PPP2R5C: variants seen among roughly 807,000 people sequenced by gnomAD.
The protein encoded by PPP2R5C is protein phosphatase 2 regulatory subunit B'gamma, also known as serine/threonine-protein phosphatase 2A 56 kDa regulatory subunit gamma isoform.
PPP2R5C carries 7 observed loss-of-function variants against 68.9 expected under a neutral mutation model. The ratio of observed to expected loss-of-function variants is 0.10; its 90% CI spans 0.06 to 0.19. PPP2R5C has a LOEUF of 0.19. Among genes scored for constraint, PPP2R5C ranks in the 10% least tolerant of loss-of-function variants. The pLI is 1.00. For synonymous variants in PPP2R5C, 210 were observed against 222.2 expected (o/e 0.95, Z 0.49); for missense variants, 348 against 641.3 (o/e 0.54, Z 4.94).
intron 1 of PPP2R5C, chr14:101,818,118 A>C (rs546220830): frequency 6.6e-6 from 1 of 152,304 alleles, no homozygotes; most frequent in East Asian, 1.9e-4. Context: ...TGCTCTGCTT[A>C]TAGATTGTGT....
At chr14:101,779,512 G>A (rs1174769660) in intron 2 of PPP2R5C, among the ~76,000 whole-genome samples, 2 of 152,170 alleles carry the variant, frequency 1.3e-5, no homozygotes, top group African/African-American at 4.8e-5. Flanking sequence ...GGCATTTCAT[G>A]CTGAAGAAAC....
upstream of PPP2R5C, among the ~76,000 whole-genome samples, chr14:101,805,581 G>A (rs1322174111): frequency 2.6e-5 from 4 of 152,154 alleles, no homozygotes; most frequent in Non-Finnish European, 5.9e-5. Context: ...TGAAAACAGA[G>A]GCATGAGCAG....
intron 3 of PPP2R5C, among the ~76,000 whole-genome samples, chr14:101,791,625 A>G (rs1373334858): frequency 6.6e-6 from 1 of 152,084 alleles, no homozygotes; most frequent in East Asian, 1.9e-4. Flanking sequence ...ATATGTGTCA[A>G]ACCCTTCTTT....
chr14:101,878,865 C>T (rs765710511), intron 2 of PPP2R5C, among the ~76,000 whole-genome samples: 1 of 152,260 alleles, frequency 6.6e-6, no homozygotes, highest in Non-Finnish European at 1.5e-5. Flanking sequence ...GACAGCTGGG[C>T]ACTGTGGCCT....
intron 11 of PPP2R5C, among the ~76,000 whole-genome samples, chr14:101,911,206 G>A (rs762370560): frequency 6.6e-6 from 1 of 152,134 alleles, no homozygotes; most frequent in Non-Finnish European, 1.5e-5. Context: ...ACCTGGAGGC[G>A]GAGCTTGCAG....
At chr14:101,878,721 G>C (rs192360366) in intron 2 of PPP2R5C, among the ~76,000 whole-genome samples, 1 of 152,204 alleles carries the variant, frequency 6.6e-6, no homozygotes, top group African/African-American at 2.4e-5. Context: ...CTGCAGTTTG[G>C]GTCTCACAGG....
At chr14:101,911,226 A>T (rs932802233) in intron 11 of PPP2R5C, among the ~76,000 whole-genome samples, 19 of 151,898 alleles carry the variant, frequency 1.3e-4, no homozygotes, top group Admixed American at 1.2e-3. Flanking sequence ...GTGAGCCAAG[A>T]TCACGCCACT....
At chr14:101,870,108 A>AT (rs1327500750) in intron 2 of PPP2R5C, among the ~76,000 whole-genome samples, 1 of 103,624 alleles carries the variant, frequency 9.7e-6, no homozygotes, top group African/African-American at 4.1e-5. Context: ...CTGGGTACAG[A>AT]TTTTTTGCGA....
Position 101,842,903 on chromosome 14 carries a change from G to C in PPP2R5C, c.95-13783G>C, listed in dbSNP as rs187388836. Among the ~76,000 whole-genome samples, 156 of 151,850 alleles carry C rather than the reference G, an allele frequency of 1.0e-3. 1 individual carries two copies. The highest frequency in any genetic ancestry group is 2.9e-3 in the South Asian group (14 of 4,808). Reference sequence around the variant, plus strand: ...AACCATACATACTTAAAACCAAGCAGAGAGTGGAGTTCCATCTTTAATAAC... The same window carrying C: ...AACCATACATACTTAAAACCAAGCACAGAGTGGAGTTCCATCTTTAATAAC... On this transcript the variant is annotated intron_variant, in intron 1 of 13. Transcript: ENST00000334743.
At chr14:101,867,859 T>C (rs1422362766) in intron 2 of PPP2R5C, among the ~76,000 whole-genome samples, 2 of 152,206 alleles carry the variant, frequency 1.3e-5, no homozygotes, top group Non-Finnish European at 2.9e-5. Context: ...TCAGGACTCT[T>C]GTTGGTTTCC....
In PPP2R5C at chr14:101,836,074, T is replaced by C. The variant is rs992388174; in HGVS notation, c.95-20612T>C. On this transcript the variant is annotated intron_variant, in intron 1 of 13. Coordinates refer to ENST00000334743, the Ensembl canonical transcript of PPP2R5C. The stretch of plus-strand genomic sequence containing the variant: ...AGATAAAATACAATGGGAAATTAAA[T>C]TTTTTTAATTACTTAAGGAAATTCC... The C allele has an allele frequency of 6.0e-5, 37 of 614,820 alleles. No individual in the cohort carries two copies. In the African/African-American group the frequency reaches 6.8e-4, roughly 11 times the overall value. 38.1% of individuals were successfully genotyped at this position (614,820 alleles called of 1,614,324 possible). A position where few individuals can be genotyped will look rare whatever the true frequency, so the allele number is the denominator to read the frequency against.
At chr14:101,766,426 T>G (rs1041464570) in intron 2 of PPP2R5C, 49 of 152,366 alleles carry the variant, frequency 3.2e-4, no homozygotes, top group African/African-American at 9.6e-4. Flanking sequence ...TTAGGCTATT[T>G]TTAAATGTAT....
intron 5 of PPP2R5C, among the ~76,000 whole-genome samples, chr14:101,885,322 C>A (rs1304246748): frequency 6.6e-6 from 1 of 151,960 alleles, no homozygotes; most frequent in Non-Finnish European, 1.5e-5. Context: ...CCCCTCCCAT[C>A]CCGTGCCGGC....
chr14:101,889,080 T>A (rs2044694770), intron 5 of PPP2R5C, among the ~76,000 whole-genome samples: 1 of 152,244 alleles, frequency 6.6e-6, no homozygotes, highest in Non-Finnish European at 1.5e-5. Context: ...TGCATTCTGA[T>A]GTTTGGGAAC....
intron 10 of PPP2R5C, among the ~76,000 whole-genome samples, chr14:101,908,911 T>C (rs995264310): frequency 1.3e-5 from 2 of 152,170 alleles, no homozygotes; most frequent in Non-Finnish European, 2.9e-5. Context: ...TTTTTTGGGA[T>C]TTATTTGTTT....
chr14:101,810,289 C>T, intron 1 of PPP2R5C: 3 of 439,282 alleles, frequency 6.8e-6, no homozygotes, highest in Admixed American at 4.2e-5. Context: ...CTCGCTCTCC[C>T]ATCCCCCTTT....
At chr14:101,762,327 G>T (rs1003756016) in intron 1 of PPP2R5C, among the ~76,000 whole-genome samples, 4 of 152,210 alleles carry the variant, frequency 2.6e-5, no homozygotes, top group African/African-American at 9.6e-5. Flanking sequence ...CAGGGATGGG[G>T]GCTGTAGACG....
rs184927691 is a variant in PPP2R5C at position 101,797,250 on chromosome 14, G to C, written c.259+11067G>C. 87 of 455,976 alleles carry C rather than the reference G, an allele frequency of 1.9e-4. No individual in the cohort carries two copies. The highest frequency in any genetic ancestry group is 2.2e-4 in the Non-Finnish European group (51 of 226,780). The allele number at this position is 455,976 out of a possible 1,614,324, so 28.2% of individuals were successfully genotyped here. The stretch of plus-strand genomic sequence containing the variant: ...TAGCACGTGCCAGACCCTCGCTCCC[G>C]TCGAAGGCTGATGCCATCCTTCAGT... On this transcript the variant is annotated intron_variant, in intron 3 of 14. Coordinates refer to the PPP2R5C transcript ENST00000328724. The surrounding 1 kb of genome is among the most constrained non-coding windows in gnomAD (Gnocchi z 4.2).
chr14:101,821,683 A>G (rs528470257), intron 1 of PPP2R5C, among the ~76,000 whole-genome samples: 30 of 152,194 alleles, frequency 2.0e-4, no homozygotes, highest in Admixed American at 1.6e-3. Flanking sequence ...TGTACTGTGT[A>G]TACATACGTT....
Sources: allele counts gnomAD v4.1 joint callset (sites outside exome capture counted in the v4.1 genomes callset), GRCh38; gene constraint gnomAD v4.1.1; non-coding constraint Gnocchi (gnomAD v3.1); transcripts MANE v1.5; gene names NCBI Gene and HGNC (gene_info 2026-07-23, HGNC 2026-07-21).